Variants in GRID2 observed in about 807,000 individuals in gnomAD.
GRID2 encodes the protein glutamate receptor ionotropic, delta-2.
GRID2 carries 33 observed loss-of-function variants against 114.8 expected under a neutral mutation model. The observed-to-expected ratio is 0.29, with a 90% CI of 0.22 to 0.38. GRID2 has a LOEUF of 0.38. Ranked by LOEUF, GRID2 falls within the 10% of genes least tolerant of loss-of-function variation. The pLI, the probability that GRID2 is intolerant of heterozygous loss-of-function variation, is 1.00. For missense variants in GRID2, 1,184 were observed against 1,257.7 expected, an observed-to-expected ratio of 0.94 and a Z score of 0.89; for synonymous variants, 505 against 449.9, an observed-to-expected ratio of 1.12 and a Z score of -1.55.
At chr4:92,870,675 T>C (rs997825922) in intron 2 of GRID2, among the ~76,000 whole-genome samples, 3 of 152,188 alleles carry the variant, frequency 2.0e-5, no homozygotes, top group Non-Finnish European at 4.4e-5. Context: ...TCATCTTTCA[T>C]AGTAGAGAAA....
At chr4:92,662,423 A>G (rs1732564488) in intron 2 of GRID2, among the ~76,000 whole-genome samples, 1 of 151,022 alleles carries the variant, frequency 6.6e-6, no homozygotes, top group African/African-American at 2.4e-5. Context: ...AGACAATAAG[A>G]AAAATTCAGG....
intron 4 of GRID2, among the ~76,000 whole-genome samples, chr4:93,185,922 G>C (rs1393244515): frequency 6.6e-6 from 1 of 151,924 alleles, no homozygotes; most frequent in Non-Finnish European, 1.5e-5. Context: ...ACAGGCCCCA[G>C]TGTGTGATGT....
intron 4 of GRID2, among the ~76,000 whole-genome samples, chr4:93,197,922 C>T (rs752354797): frequency 5.3e-5 from 8 of 152,082 alleles, no homozygotes; most frequent in Non-Finnish European, 1.2e-4. Flanking sequence ...TTAAGATCTT[C>T]TCACTTGAGA....
chr4:92,807,823 G>A (rs1055918559), intron 2 of GRID2, among the ~76,000 whole-genome samples: 3 of 151,946 alleles, frequency 2.0e-5, no homozygotes, highest in Non-Finnish European at 4.4e-5. Context: ...GTGCATGTGT[G>A]CGTATGTGTC....
At chr4:93,787,156 G>C (rs1734609448) in intron 1 of GRID2, among the ~76,000 whole-genome samples, 1 of 151,826 alleles carries the variant, frequency 6.6e-6, no homozygotes, top group Non-Finnish European at 1.5e-5. Context: ...AGAACATGGA[G>C]GATTGTGGGA....
chr4:92,678,611 G>A (rs915488511), intron 2 of GRID2, among the ~76,000 whole-genome samples: 7 of 151,258 alleles, frequency 4.6e-5, no homozygotes, highest in African/African-American at 1.5e-4. Context: ...CCATGTAGTT[G>A]GTGTTACTTT....
At chr4:93,585,405 A>G (rs1017317866) in intron 13 of GRID2, among the ~76,000 whole-genome samples, 5 of 152,090 alleles carry the variant, frequency 3.3e-5, no homozygotes, top group Non-Finnish European at 5.9e-5. Flanking sequence ...TAAGATGTCT[A>G]TGGTGTTGAC....
At chr4:93,359,511 A>G (rs1195747077) in intron 8 of GRID2, among the ~76,000 whole-genome samples, 2 of 151,618 alleles carry the variant, frequency 1.3e-5, no homozygotes, top group Non-Finnish European at 2.9e-5. Context: ...GTTATCAAAT[A>G]GTAGGTCTTA....
chr4:93,009,500 C>A (rs980315487), intron 2 of GRID2, among the ~76,000 whole-genome samples: 4 of 152,126 alleles, frequency 2.6e-5, no homozygotes, highest in Admixed American at 2.0e-4. Flanking sequence ...GAAAAATCTT[C>A]CTTATTCTCT....
intron 2 of GRID2, among the ~76,000 whole-genome samples, chr4:92,889,913 C>T (rs1418195187): frequency 6.6e-6 from 1 of 152,112 alleles, no homozygotes; most frequent in Non-Finnish European, 1.5e-5. Flanking sequence ...GGTACCAAAA[C>T]AGACATATAG....
chr4:92,866,636 C>T (rs1409503289), intron 2 of GRID2, among the ~76,000 whole-genome samples: 4 of 151,992 alleles, frequency 2.6e-5, no homozygotes, highest in Admixed American at 1.3e-4. Context: ...GTCCGCCTCC[C>T]GGGTTCACGC....
chr4:93,301,385 T>C (rs1252916257), intron 8 of GRID2, among the ~76,000 whole-genome samples: 1 of 152,164 alleles, frequency 6.6e-6, no homozygotes, highest in East Asian at 1.9e-4. Flanking sequence ...AAAAAGTAGT[T>C]ATTTTCTCAT....
At chr4:93,590,324 T>C (rs1465666553) in intron 13 of GRID2, among the ~76,000 whole-genome samples, 2 of 150,462 alleles carry the variant, frequency 1.3e-5, no homozygotes, top group African/African-American at 4.9e-5. Flanking sequence ...CCTTTCCCCA[T>C]TTCTTGTTTT....
chr4:93,519,146 G>C (rs1730095802), intron 13 of GRID2, among the ~76,000 whole-genome samples: 1 of 152,098 alleles, frequency 6.6e-6, no homozygotes, highest in East Asian at 1.9e-4. Context: ...GCTAACACAG[G>C]CTGTCTAGAA....
intron 2 of GRID2, among the ~76,000 whole-genome samples, chr4:92,725,349 GGA>G (rs1736019047): frequency 6.6e-6 from 1 of 152,074 alleles, no homozygotes. Context: ...TGGATAAATT[GGA>G]GAGTCTAACA....
intron 9 of GRID2, among the ~76,000 whole-genome samples, chr4:93,416,026 C>A (rs1767668123): frequency 1.3e-5 from 2 of 151,964 alleles, no homozygotes; most frequent in South Asian, 4.1e-4. Flanking sequence ...ATAAAATCTT[C>A]CTGCAATCCC....
chr4:92,615,156 C>G (rs1239887812), intron 2 of GRID2, among the ~76,000 whole-genome samples: 1 of 151,400 alleles, frequency 6.6e-6, no homozygotes, highest in Admixed American at 6.6e-5. Flanking sequence ...CCTTGGGTTG[C>G]AAATGCCTGC....
chr4:93,017,210 T>C (rs1722832904), intron 2 of GRID2, among the ~76,000 whole-genome samples: 2 of 152,212 alleles, frequency 1.3e-5, no homozygotes, highest in Non-Finnish European at 2.9e-5. Flanking sequence ...TTATACAAAT[T>C]ACTCAATAGC....
At chr4:92,308,593 A>G (rs1725536790) in intron 1 of GRID2, among the ~76,000 whole-genome samples, 1 of 152,192 alleles carries the variant, frequency 6.6e-6, no homozygotes, top group South Asian at 2.1e-4. Context: ...AAAGTACAAA[A>G]TCGGGTAAAT....
Sources: allele counts gnomAD v4.1 joint callset (sites outside exome capture counted in the v4.1 genomes callset), GRCh38; gene constraint gnomAD v4.1.1; transcripts MANE v1.5; gene names NCBI Gene and HGNC (gene_info 2026-07-23, HGNC 2026-07-21).